The following DNAH5 variants were observed in gnomAD, a reference collection of about 807,000 sequenced individuals.
The protein encoded by DNAH5 is dynein axonemal heavy chain 5.
Under a neutral mutation model 518.2 loss-of-function variants are expected in DNAH5, and 372 were observed. That is an observed-to-expected ratio of 0.72 (90% CI 0.66 to 0.78). The LOEUF is 0.78. DNAH5 is among the 30% of genes least tolerant of loss of function. The pLI, the probability that DNAH5 is intolerant of heterozygous loss-of-function variation, is 0.00. For missense variants in DNAH5, 5,523 were observed against 5,687.0 expected, an observed-to-expected ratio of 0.97 and a Z score of 0.93; for synonymous variants, 2,039 against 2,025.9, an observed-to-expected ratio of 1.01 and a Z score of -0.17.
chr5:13,862,612 T>C lies in DNAH5; in HGVS notation c.4732A>G (p.Thr1578Ala), dbSNP rs1056042327. 6 of 1,613,900 alleles carry C rather than the reference T, an allele frequency of 3.7e-6. No individual in the cohort carries two copies. The highest frequency in any genetic ancestry group is 2.7e-5 in the African/African-American group (2 of 74,920). The stretch of plus-strand genomic sequence containing the variant: ...TCCATGTTGGCGATGATTTCCGAGG[T>C]ACTGTCTCCTCTCAAGAGGAGCTCT... ...RGELLLRGDSTSEIIANMEDS... is the reference protein window; with the variant it reads ...RGELLLRGDSASEIIANMEDS... Residue 1578 changes from threonine to alanine, a missense_variant, in exon 29 of 79, where the codon ACC becomes GCC. Coordinates refer to ENST00000265104, the MANE Select transcript of DNAH5 (RefSeq NM_001369.3).
intron 50 of DNAH5, 63 bp from the exon 51 acceptor site, chr5:13,788,977 T>G: frequency 7.0e-7 from 1 of 1,432,244 alleles, no homozygotes; most frequent in Admixed American, 1.7e-5. Context: ...GGAATTCAGG[T>G]TGACAGTACT....
At chr5:13,947,286 AG>A (rs1780004145), upstream of DNAH5, among the ~76,000 whole-genome samples, 1 of 152,186 alleles carries the variant, frequency 6.6e-6, no homozygotes, top group African/African-American at 2.4e-5. Context: ...TAAATTATGG[AG>A]TCATCTACCC....
chr5:13,858,648 A>C (rs1767965604), intron 30 of DNAH5, among the ~76,000 whole-genome samples: 1 of 152,192 alleles, frequency 6.6e-6, no homozygotes, highest in Admixed American at 6.5e-5. Flanking sequence ...ATCAAAAATA[A>C]AGTAAAATTT....
intron 1 of DNAH5, among the ~76,000 whole-genome samples, chr5:13,988,727 CTT>C (rs528130556): frequency 7.9e-6 from 1 of 126,614 alleles, no homozygotes. Context: ...CAGCCCAAAT[CTT>C]TTTTTTTTTT....
At chr5:13,972,940 C>A (rs1781982290) in intron 1 of DNAH5, among the ~76,000 whole-genome samples, 1 of 152,160 alleles carries the variant, frequency 6.6e-6, no homozygotes. Context: ...AAGACCCCAT[C>A]TCTAAAAATA....
rs774481686 is a variant in DNAH5 at position 13,820,416 on chromosome 5, C to A, written c.6771G>T (p.Gly2257=). 1.9e-6 allele frequency: 3 copies of A among 1,613,994 alleles called. No homozygotes were observed. The South Asian group carries it at 3.3e-5, about 18-fold the overall frequency. The stretch of plus-strand genomic sequence containing the variant: ...CCCCACTGGGCCCCAGAGTCATCAT[C>A]CCATGTCGCACTCTCTGCGTTTCGA... ...QLFETQRVRH[G]MMTLGPSGAG... The change falls in exon 41 of 79, where the codon GGG becomes GGT. Residue 2257 remains glycine, a synonymous_variant. Coordinates refer to ENST00000265104, the MANE Select transcript of DNAH5 (RefSeq NM_001369.3).
In DNAH5 at chr5:13,944,661, C is replaced by T. The variant is rs551507645; in HGVS notation, c.-223G>A. ...CTCCTAGAGTGTCTGCCCTGGGCCT[C>T]TCCTCTCTCTCGAAGCCTGGTGTTG... On this transcript the variant is annotated 5_prime_UTR_variant, in exon 1 of 79. Coordinates refer to ENST00000265104, the MANE Select transcript of DNAH5 (RefSeq NM_001369.3). 3.5e-6 allele frequency: 2 copies of T among 567,680 alleles called. No individual in the cohort carries two copies. Among genetic ancestry groups the T allele is most frequent in the South Asian group, 4.0e-5 (2 of 49,652 alleles). The allele number at this position is 567,680 out of a possible 1,614,324, so 35.2% of individuals were successfully genotyped here. A position where few individuals can be genotyped will look rare whatever the true frequency, so the allele number is the denominator to read the frequency against.
chr5:13,700,391 T>G (rs573226475), intron 78 of DNAH5, among the ~76,000 whole-genome samples: 2 of 152,234 alleles, frequency 1.3e-5, no homozygotes, highest in African/African-American at 4.8e-5. Flanking sequence ...TAATATTTCA[T>G]GAGTATCCAC....
chr5:13,730,969 A>G (rs1280413563), intron 68 of DNAH5, among the ~76,000 whole-genome samples: 2 of 152,010 alleles, frequency 1.3e-5, no homozygotes, highest in Non-Finnish European at 2.9e-5. Context: ...CTCCCAAAGC[A>G]CTGGGATTAA....
chr5:13,907,836 T>A (rs1775517847), intron 12 of DNAH5, among the ~76,000 whole-genome samples: 1 of 152,248 alleles, frequency 6.6e-6, no homozygotes, highest in Non-Finnish European at 1.5e-5. Flanking sequence ...ACAACTTTTT[T>A]TCAACTTACC....
intron 32 of DNAH5, among the ~76,000 whole-genome samples, chr5:13,842,421 A>AG (rs1765311899): frequency 1.1e-5 from 1 of 89,018 alleles, no homozygotes; most frequent in Non-Finnish European, 2.2e-5. Context: ...AGAAAAGAAA[A>AG]GAAAAGAAAG....
chr5:13,930,805 T>TA (rs1379913340), intron 2 of DNAH5, among the ~76,000 whole-genome samples: 1 of 152,212 alleles, frequency 6.6e-6, no homozygotes, highest in Non-Finnish European at 1.5e-5. Context: ...AACGAGATTC[T>TA]GTTCCCCGGC....
chr5:13,921,430 C>G (rs1328650096), intron 5 of DNAH5, among the ~76,000 whole-genome samples: 1 of 94,588 alleles, frequency 1.1e-5, no homozygotes, highest in Non-Finnish European at 2.3e-5. Flanking sequence ...CTCTCCCTCT[C>G]TCTCTGTCTC....
At chr5:13,737,536 A>G (rs965911654) in intron 65 of DNAH5, 41 bp from the exon 66 acceptor site, 19 of 1,599,578 alleles carry the variant, frequency 1.2e-5, no homozygotes, top group Non-Finnish European at 1.5e-5. Context: ...TCAATTAACA[A>G]CTCTTGTTGA....
At chr5:13,910,797 C>G (rs1355536223) in intron 12 of DNAH5, among the ~76,000 whole-genome samples, 1 of 152,218 alleles carries the variant, frequency 6.6e-6, no homozygotes, top group Non-Finnish European at 1.5e-5. Context: ...CCTCGGGAAT[C>G]TGGAGCTGGC....
intron 21 of DNAH5, 137 bp downstream of exon 21, chr5:13,882,591 G>T: frequency 1.4e-6 from 1 of 724,256 alleles, no homozygotes; most frequent in Admixed American, 2.3e-5. Context: ...TTGATATTTT[G>T]TCAACTTCAA....
chr5:13,994,531 T>C (rs1783795188), intron 1 of DNAH5, among the ~76,000 whole-genome samples: 1 of 152,186 alleles, frequency 6.6e-6, no homozygotes, highest in Non-Finnish European at 1.5e-5. Flanking sequence ...GCATTTCTGA[T>C]ATGAAAAGAT....
chr5:13,698,997 CCT>C (rs1252006313), intron 78 of DNAH5, among the ~76,000 whole-genome samples: 8 of 152,066 alleles, frequency 5.3e-5, no homozygotes, highest in African/African-American at 1.4e-4. Context: ...GGCTATCACC[CCT>C]GTTTGCGACT....
At chr5:13,837,841 T>C (rs999412097) in intron 35 of DNAH5, among the ~76,000 whole-genome samples, 1 of 151,890 alleles carries the variant, frequency 6.6e-6, no homozygotes, top group Non-Finnish European at 1.5e-5. Context: ...GCCGGGACTA[T>C]GGCCACGTGC....
Sources: allele counts gnomAD v4.1 joint callset (sites outside exome capture counted in the v4.1 genomes callset), GRCh38; gene constraint gnomAD v4.1.1; transcripts MANE v1.5; gene names NCBI Gene and HGNC (gene_info 2026-07-23, HGNC 2026-07-21).